The following FRMPD4 variants were observed in gnomAD, a reference collection of about 807,000 sequenced individuals.
The protein encoded by FRMPD4 is FERM and PDZ domain containing 4.
A neutral mutation model predicts 94.1 loss-of-function variants in FRMPD4; 22 were observed. The observed-to-expected ratio is 0.23, with a 90% confidence interval of 0.17 to 0.33. The LOEUF (loss-of-function observed/expected upper bound fraction) is 0.33, where lower values mean the gene tolerates loss of function less well. Ranked by LOEUF, FRMPD4 falls within the 10% of genes least tolerant of loss-of-function variation. The pLI is 1.00. For missense variants in FRMPD4, 1,111 were observed against 1,339.9 expected (o/e 0.83, Z 2.67); for synonymous variants, 631 against 548.6 (o/e 1.15, Z -2.10).
At chrX:12,294,467 T>TACACACACAC (rs766103055) in intron 1 of FRMPD4, among the ~76,000 whole-genome samples, 1,842 of 87,250 alleles carry the variant, frequency 0.021, 62 homozygotes, top group African/African-American at 0.076. Context: ...CTCATAACTG[T>TACACACACAC]ACACACACAC....
At chrX:12,101,021 T>C (rs750918380) in intron 3 of FRMPD4, among the ~76,000 whole-genome samples, 1 of 112,169 alleles carries the variant, frequency 8.9e-6, no homozygotes, top group Non-Finnish European at 1.9e-5. Context: ...AGTCACTTCA[T>C]GTGATGGGTT....
In FRMPD4 at chrX:12,716,218, A is replaced by G; in HGVS notation, c.1759A>G (p.Met587Val). Reference sequence around the variant, plus strand: ...GACGGTGGAGATCACAGACAGCACCATGTGTCCAAAAGAGCACCGGCACTT... The same window carrying G: ...GACGGTGGAGATCACAGACAGCACCGTGTGTCCAAAAGAGCACCGGCACTT... ...QKTVEITDST[M>V]CPKEHRHLYI... Residue 587 changes from methionine to valine, a missense_variant, in exon 15 of 17, where the codon ATG (methionine) becomes GTG (valine). Physicochemically the swap from Met to Val is conservative, Grantham distance 21 (BLOSUM62 1). This residue lies in a region of FRMPD4 where 192 missense variants were observed against 192.5 expected (regional missense o/e 1.00). Transcript: ENST00000675598. 3.3e-6 allele frequency: 4 copies of G among 1,209,626 alleles called. No individual in the cohort carries two copies. Among genetic ancestry groups the G allele is most frequent in the Non-Finnish European group, 4.5e-6 (4 of 893,686 alleles).
At chrX:11,868,298 G>C (rs2053733802) in intron 2 of FRMPD4, among the ~76,000 whole-genome samples, 1 of 111,734 alleles carries the variant, frequency 8.9e-6, no homozygotes, top group Admixed American at 9.5e-5. Context: ...AGGAAGGATG[G>C]GGTGATGGAA....
intron 1 of FRMPD4, among the ~76,000 whole-genome samples, chrX:12,495,747 A>T (rs1221308728): frequency 4.0e-5 from 4 of 100,134 alleles, no homozygotes; most frequent in East Asian, 5.6e-4. Context: ...TAATAATAAT[A>T]AAAAAAAAGG....
chrX:12,099,605 G>A (rs758783871), intron 3 of FRMPD4, among the ~76,000 whole-genome samples: 1 of 112,043 alleles, frequency 8.9e-6, no homozygotes, highest in Non-Finnish European at 1.9e-5. Context: ...ACCCTTTTGA[G>A]ACTATAAATT....
chrX:12,646,388 A>G (rs1393778952), intron 4 of FRMPD4, among the ~76,000 whole-genome samples: 1 of 111,957 alleles, frequency 8.9e-6, no homozygotes, highest in Admixed American at 9.5e-5. Context: ...CTGCTTTGCC[A>G]TGGATAAAGT....
At chrX:12,587,109 T>C (rs2058936767) in intron 2 of FRMPD4, among the ~76,000 whole-genome samples, 1 of 109,895 alleles carries the variant, frequency 9.1e-6, no homozygotes, top group Admixed American at 9.7e-5. Context: ...CCCAAGTAGC[T>C]GGGAGTACAA....
Position 12,710,527 on chromosome X carries a change from C to A in FRMPD4, c.1599C>A (p.Thr533=), listed in dbSNP as rs759126764. Residue 533 remains threonine, a synonymous_variant, in exon 14 of 17, where the codon ACC becomes ACA. Coordinates refer to ENST00000675598, the MANE Select transcript of FRMPD4 (RefSeq NM_001368397.1). Reference sequence around the variant, plus strand: ...TGGCCAACAAGAAAAACACAGCGACCCAGGAAACAGGTATTCTCTTCCTGA... The same window carrying A: ...TGGCCAACAAGAAAAACACAGCGACACAGGAAACAGGTATTCTCTTCCTGA... ...FNMANKKNTA[T]QETGPENKGK... is the part of the protein sequence containing the mutation. 1.7e-6 allele frequency: 2 copies of A among 1,206,230 alleles called. No individual in the cohort carries two copies. The highest frequency in any genetic ancestry group is 3.5e-5 in the South Asian group (2 of 56,672).
At chrX:12,617,282 T>C (rs893944876) in intron 4 of FRMPD4, among the ~76,000 whole-genome samples, 2 of 112,395 alleles carry the variant, frequency 1.8e-5, no homozygotes, top group Non-Finnish European at 3.8e-5. Context: ...ATGGAAATCA[T>C]ATAAAATTCA....
At chrX:12,519,649 C>G (rs1232393607) in intron 2 of FRMPD4, among the ~76,000 whole-genome samples, 1 of 112,163 alleles carries the variant, frequency 8.9e-6, no homozygotes, top group Non-Finnish European at 1.9e-5. Flanking sequence ...ATTTGCAAAT[C>G]ATATATCTGA....
chrX:12,678,155 T>G lies in FRMPD4; in HGVS notation c.468+3247T>G, dbSNP rs191780028. Among the ~76,000 whole-genome samples, 904 of 112,509 alleles carry G rather than the reference T, an allele frequency of 8.0e-3. 12 individuals carry two copies. The highest frequency in any genetic ancestry group is 0.028 in the African/African-American group (867 of 30,987). On this transcript the variant is annotated intron_variant, in intron 5 of 16. Coordinates refer to ENST00000675598, the MANE Select transcript of FRMPD4 (RefSeq NM_001368397.1). ...CATTTCCTATGTCATCAAAAACTCTTTATAAGCATCACTTAAATGGCTGCA... is the reference window on the plus strand; with the variant it reads ...CATTTCCTATGTCATCAAAAACTCTGTATAAGCATCACTTAAATGGCTGCA...
chrX:12,139,080 C>T, intron 1 of FRMPD4, 68 bp downstream of exon 1: 2 of 937,613 alleles, frequency 2.1e-6, no homozygotes, highest in South Asian at 2.9e-5. Context: ...CCTTATTTTT[C>T]GGGAGGCTGG....
At chrX:12,636,316 C>A (rs1194270952) in intron 4 of FRMPD4, among the ~76,000 whole-genome samples, 2 of 110,087 alleles carry the variant, frequency 1.8e-5, no homozygotes, top group African/African-American at 6.6e-5. Flanking sequence ...AGTTTTTTGT[C>A]CTATAGCGAT....
intron 4 of FRMPD4, among the ~76,000 whole-genome samples, chrX:12,649,765 G>A (rs1191994991): frequency 2.7e-5 from 3 of 112,434 alleles, no homozygotes; most frequent in Non-Finnish European, 5.6e-5. Flanking sequence ...TTATACTGGC[G>A]ATTCTTCTGA....
At chrX:12,473,552 G>C (rs1187557837) in intron 1 of FRMPD4, among the ~76,000 whole-genome samples, 1 of 109,814 alleles carries the variant, frequency 9.1e-6, no homozygotes, top group African/African-American at 3.5e-5. Flanking sequence ...CCATCAGTGT[G>C]CTCTATTCAG....
Position 12,604,720 on chromosome X carries a change from C to G in FRMPD4, c.159-5001C>G, listed in dbSNP as rs767418237. The stretch of plus-strand genomic sequence containing the variant: ...TGTGTAGGTTTGTTACATAGGAAAA[C>G]TTACGTCATGAGGGTTTGTTGCACA... On this transcript the variant is annotated intron_variant, in intron 2 of 16. Coordinates refer to ENST00000675598, the MANE Select transcript of FRMPD4 (RefSeq NM_001368397.1). 6.4e-4 allele frequency among the ~76,000 whole-genome samples: 72 copies of G among 111,644 alleles called. 1 individual carries two copies. Among genetic ancestry groups the G allele is most frequent in the Non-Finnish European group, 6.4e-4 (34 of 53,139 alleles).
At chrX:11,859,060 G>T (rs2053669747) in intron 1 of FRMPD4, among the ~76,000 whole-genome samples, 1 of 112,229 alleles carries the variant, frequency 8.9e-6, no homozygotes, top group African/African-American at 3.2e-5. Context: ...AGCTGAAGGA[G>T]TGAAAATATT....
intron 3 of FRMPD4, among the ~76,000 whole-genome samples, chrX:11,953,077 C>A (rs762779602): frequency 9.0e-6 from 1 of 111,068 alleles, no homozygotes; most frequent in African/African-American, 3.3e-5. Context: ...AATAAGTAGA[C>A]CAACTCAAAC....
chrX:12,404,011 CAT>C (rs1189287422), intron 1 of FRMPD4, among the ~76,000 whole-genome samples: 3 of 111,889 alleles, frequency 2.7e-5, no homozygotes, highest in African/African-American at 9.7e-5. Context: ...TATTTTCAAA[CAT>C]ACAAAAAGCC....
Sources: gnomAD v4.1 joint callset for allele counts (sites outside exome capture counted in the v4.1 genomes callset) on GRCh38, gnomAD v4.1.1 for gene constraint, gnomAD v4.1.1 regional missense constraint, MANE v1.5 for transcripts, NCBI Gene and HGNC (gene_info 2026-07-23, HGNC 2026-07-21) for gene names.